ENTPD1: variants seen among roughly 807,000 people sequenced by gnomAD.
The protein encoded by ENTPD1 is ATP diphosphohydrolase.
In ENTPD1, 33 loss-of-function variants were observed where a neutral mutation model predicts 57.0. That is an observed-to-expected ratio of 0.58 (90% CI 0.44 to 0.77). The LOEUF (loss-of-function observed/expected upper bound fraction) is 0.77, where lower values mean the gene tolerates loss of function less well. ENTPD1 is among the 30% of genes least tolerant of loss of function. The pLI is 0.00. For synonymous variants in ENTPD1, 202 were observed against 218.8 expected, an observed-to-expected ratio of 0.92 and a Z score of 0.68; for missense variants, 501 against 603.4, an observed-to-expected ratio of 0.83 and a Z score of 1.78.
At chr10:95,702,955 T>A in the ENTPD1 span, among the ~76,000 whole-genome samples, 10 of 152,108 alleles carry the variant, frequency 6.6e-5, no homozygotes, top group African/African-American at 1.2e-4. Flanking sequence ...CTAAATTTTT[T>A]TTTTTATTTT....
chr10:95,745,001 T>G (rs2098004521), intron 1 of ENTPD1, among the ~76,000 whole-genome samples: 1 of 152,168 alleles, frequency 6.6e-6, no homozygotes, highest in Non-Finnish European at 1.5e-5. Flanking sequence ...AAATTTAAAT[T>G]TTTAAAAATA....
At chr10:95,827,597 T>C (rs1272002059) in intron 2 of ENTPD1, among the ~76,000 whole-genome samples, 1 of 151,828 alleles carries the variant, frequency 6.6e-6, no homozygotes, top group Non-Finnish European at 1.5e-5. Flanking sequence ...GCAATTCTCC[T>C]GCCTCAGCCT....
At chr10:95,736,199 C>G (rs574081672) in intron 1 of ENTPD1, among the ~76,000 whole-genome samples, 47 of 151,936 alleles carry the variant, frequency 3.1e-4, no homozygotes, top group African/African-American at 8.9e-4. Flanking sequence ...TGGGGTTTCC[C>G]CATGTTGCCC....
At chr10:95,743,534 TATGG>T (rs1012733056) in intron 1 of ENTPD1, among the ~76,000 whole-genome samples, 2 of 152,220 alleles carry the variant, frequency 1.3e-5, no homozygotes, top group African/African-American at 4.8e-5. Flanking sequence ...AATTCTTCTG[TATGG>T]ATTTGTCTAT....
chr10:95,700,244 T>A, the ENTPD1 span, among the ~76,000 whole-genome samples: 1 of 151,832 alleles, frequency 6.6e-6, no homozygotes, highest in Non-Finnish European at 1.5e-5. Flanking sequence ...TTTTGGAAGA[T>A]AAATATAAGG....
At chr10:95,831,833 C>T (rs1843001020) in intron 2 of ENTPD1, among the ~76,000 whole-genome samples, 1 of 152,202 alleles carries the variant, frequency 6.6e-6, no homozygotes, top group Admixed American at 6.5e-5. Context: ...AGGTTATAAG[C>T]ACATTGAGGA....
At chr10:95,698,685 C>T in the ENTPD1 span, among the ~76,000 whole-genome samples, 16 of 152,342 alleles carry the variant, frequency 1.1e-4, no homozygotes, top group African/African-American at 3.6e-4. Context: ...GGAGTCCCAC[C>T]GGCAAGATGG....
intron 1 of ENTPD1, among the ~76,000 whole-genome samples, chr10:95,739,242 TAAA>T (rs2097997758): frequency 6.6e-6 from 1 of 152,186 alleles, no homozygotes; most frequent in African/African-American, 2.4e-5. Flanking sequence ...GGCAATTTCT[TAAA>T]AGAAGACAAC....
chr10:95,722,097 A>AT (rs1166307706), intron 1 of ENTPD1, among the ~76,000 whole-genome samples: 2 of 152,104 alleles, frequency 1.3e-5, no homozygotes, highest in African/African-American at 2.4e-5. Flanking sequence ...ATTGAGATAG[A>AT]TTTTTTTGAT....
chr10:95,708,180 T>A (rs573703572), upstream of ENTPD1, among the ~76,000 whole-genome samples: 6 of 148,716 alleles, frequency 4.0e-5, no homozygotes, highest in African/African-American at 1.5e-4. Context: ...ATTCAGGGAT[T>A]TAACTTCTTT....
chr10:95,730,768 A>G (rs961319911), intron 1 of ENTPD1, among the ~76,000 whole-genome samples: 1 of 152,236 alleles, frequency 6.6e-6, no homozygotes, highest in African/African-American at 2.4e-5. Context: ...TCTTTTTAAC[A>G]GTGTTGTGTT....
At chr10:95,810,688 A>G (rs1377572552) in intron 1 of ENTPD1, among the ~76,000 whole-genome samples, 1 of 152,276 alleles carries the variant, frequency 6.6e-6, no homozygotes, top group Non-Finnish European at 1.5e-5. Context: ...TTGAGGAGAT[A>G]CTGAAGCCAC....
At chr10:95,749,382 G>T (rs1353283242) in intron 1 of ENTPD1, among the ~76,000 whole-genome samples, 1 of 152,084 alleles carries the variant, frequency 6.6e-6, no homozygotes, top group Non-Finnish European at 1.5e-5. Flanking sequence ...TTTTATTGCT[G>T]CTCAAATGTC....
rs1418021558 is a variant in ENTPD1 at position 95,871,306 on chromosome 10, A to G, written c.*4923A>G. 2.0e-6 allele frequency: 2 copies of G among 985,076 alleles called. No homozygotes were observed. Among genetic ancestry groups the G allele is most frequent in the East Asian group, 2.3e-4 (2 of 8,814 alleles). The allele number at this position is 985,076 out of a possible 1,614,324, so 61.0% of individuals were successfully genotyped here. On this transcript the variant is annotated 3_prime_UTR_variant, in exon 10 of 10. Transcript: ENST00000371205. ...AAAATATAATCTGTTTATCTCACCA[A>G]AGAAATATTATCTTTAAAAAATGTC...
rs1374306946 is a variant in ENTPD1 at position 95,868,714 on chromosome 10, T to C, written c.*2331T>C. On this transcript the variant is annotated 3_prime_UTR_variant, in exon 10 of 10. Transcript: ENST00000371205. ...AGATACTCCAACTCATGTCTTCTGG[T>C]TGAAGCCTATTGCTTTTTCTTTTCT... 8 of 984,260 alleles carry C rather than the reference T, an allele frequency of 8.1e-6. No homozygotes were observed. Among genetic ancestry groups the C allele is most frequent in the African/African-American group, 1.7e-5 (1 of 57,192 alleles). 61.0% of individuals were successfully genotyped at this position (984,260 alleles called of 1,614,324 possible). A position where few individuals can be genotyped will look rare whatever the true frequency, so the allele number is the denominator to read the frequency against.
At chr10:95,710,420 A>G (rs1188933812), upstream of ENTPD1, among the ~76,000 whole-genome samples, 1 of 152,146 alleles carries the variant, frequency 6.6e-6, no homozygotes, top group African/African-American at 2.4e-5. Flanking sequence ...ATTTTTTTTA[A>G]TGATACTCAT....
upstream of ENTPD1, chr10:95,755,767 G>T (rs373890124): frequency 2.0e-6 from 3 of 1,536,404 alleles, no homozygotes; most frequent in African/African-American, 2.7e-5. Context: ...GGGTTTCAAG[G>T]TAACAACTTT....
At chr10:95,804,234 T>C (rs1223688654) in intron 1 of ENTPD1, among the ~76,000 whole-genome samples, 4 of 152,260 alleles carry the variant, frequency 2.6e-5, no homozygotes, top group Admixed American at 2.0e-4. Context: ...CTTCCAATTC[T>C]GTGAAGAAAG....
At chr10:95,697,038 T>G in the ENTPD1 span, among the ~76,000 whole-genome samples, 1 of 152,132 alleles carries the variant, frequency 6.6e-6, no homozygotes, top group Admixed American at 6.5e-5. Context: ...ATAAGAATAC[T>G]TGAAAAATAG....
Sources: gnomAD v4.1 joint callset for allele counts (sites outside exome capture counted in the v4.1 genomes callset) on GRCh38, gnomAD v4.1.1 for gene constraint, MANE v1.5 for transcripts, NCBI Gene and HGNC (gene_info 2026-07-23, HGNC 2026-07-21) for gene names.